SPTSSA: variants seen among roughly 807,000 people sequenced by gnomAD.
SPTSSA encodes the protein small subunit of serine palmitoyltransferase A.
A neutral mutation model predicts 9.1 loss-of-function variants in SPTSSA; 8 were observed. The ratio of observed to expected loss-of-function variants is 0.88; its 90% CI spans 0.51 to 1.58. The LOEUF is 1.58. Among genes scored for constraint, SPTSSA ranks in the 40% most tolerant of loss-of-function variants. The pLI is 0.00. For synonymous variants in SPTSSA, 42 were observed against 37.7 expected (o/e 1.11, Z -0.41); for missense variants, 100 against 93.8 (o/e 1.07, Z -0.27).
At chr14:34,456,026 A>G (rs1259336612) in intron 1 of SPTSSA, among the ~76,000 whole-genome samples, 3 of 152,006 alleles carry the variant, frequency 2.0e-5, no homozygotes, top group South Asian at 2.1e-4. Context: ...AAAATAACAT[A>G]CAGCTTAAAA....
intron 1 of SPTSSA, among the ~76,000 whole-genome samples, chr14:34,451,536 A>C (rs914807094): frequency 3.5e-4 from 54 of 152,122 alleles, no homozygotes; most frequent in Non-Finnish European, 5.7e-4. Flanking sequence ...GTCCTGGCTA[A>C]CACGGTGAAA....
At chr14:34,450,590 A>G (rs79524185) in intron 1 of SPTSSA, among the ~76,000 whole-genome samples, 1,655 of 148,184 alleles carry the variant, frequency 0.011, 32 homozygotes, top group African/African-American at 0.041. Context: ...GGGTTCCATG[A>G]CTCAAGCAAT....
intron 1 of SPTSSA, among the ~76,000 whole-genome samples, chr14:34,447,775 T>C (rs1883447240): frequency 6.6e-6 from 1 of 152,230 alleles, no homozygotes; most frequent in Non-Finnish European, 1.5e-5. Flanking sequence ...GACAAGGTTT[T>C]GTTTTTTCTT....
intron 1 of SPTSSA, among the ~76,000 whole-genome samples, chr14:34,458,671 T>C (rs979267954): frequency 5.5e-5 from 8 of 146,012 alleles, no homozygotes; most frequent in Non-Finnish European, 1.2e-4. Context: ...TAATTTTTTT[T>C]TTTTTTTTTT....
intron 1 of SPTSSA, among the ~76,000 whole-genome samples, chr14:34,451,886 G>C (rs912793383): frequency 3.3e-5 from 5 of 152,098 alleles, no homozygotes; most frequent in African/African-American, 4.8e-5. Flanking sequence ...CTAAGTGAAA[G>C]CAGCTGCAGG....
chr14:34,443,171 G>GTGTGGGTGTT (rs775781106), intron 1 of SPTSSA, among the ~76,000 whole-genome samples: 1 of 62,094 alleles, frequency 1.6e-5, no homozygotes, highest in African/African-American at 1.6e-4. Context: ...GTGTGTGTGT[G>GTGTGGGTGTT]TTTTGAGATT....
Position 34,438,218 on chromosome 14 carries a change from A to C in SPTSSA, c.113-2914T>G, listed in dbSNP as rs566507018. 2.6e-5 allele frequency among the ~76,000 whole-genome samples: 4 copies of C among 152,274 alleles called. No homozygotes were observed. The South Asian group carries it at 8.3e-4, about 32-fold the overall frequency. ...TTTGTCTTGGGCCCCATATTCCCTC[A>C]TAACTTAAACAACTACAGGTTGAGT... On this transcript the variant is annotated intron_variant, in intron 1 of 1. Coordinates refer to ENST00000298130, the MANE Select transcript of SPTSSA (RefSeq NM_138288.4).
chr14:34,438,892 C>T (rs1401428994), intron 1 of SPTSSA, among the ~76,000 whole-genome samples: 1 of 152,182 alleles, frequency 6.6e-6, no homozygotes, highest in East Asian at 1.9e-4. Flanking sequence ...CATTAGGTTT[C>T]CAATGTCTAT....
At chr14:34,452,428 A>T (rs60182593) in intron 1 of SPTSSA, among the ~76,000 whole-genome samples, 1 of 152,186 alleles carries the variant, frequency 6.6e-6, no homozygotes, top group Non-Finnish European at 1.5e-5. Flanking sequence ...AGGATAGCAC[A>T]TCACCATCAG....
chr14:34,452,759 T>A (rs1319100169), intron 1 of SPTSSA, among the ~76,000 whole-genome samples: 1 of 152,170 alleles, frequency 6.6e-6, no homozygotes, highest in Non-Finnish European at 1.5e-5. Flanking sequence ...GGGGAAAAAT[T>A]TCCCAGTCTG....
In SPTSSA at chr14:34,448,033, T is replaced by C. The variant is rs8008718; in HGVS notation, c.113-12729A>G. Among the ~76,000 whole-genome samples, 700 of 152,190 alleles carry C rather than the reference T, an allele frequency of 4.6e-3. 10 individuals carry two copies. Among genetic ancestry groups the C allele is most frequent in the African/African-American group, 0.014 (571 of 41,522 alleles). On this transcript the variant is annotated intron_variant, in intron 1 of 1. Coordinates refer to ENST00000298130, the MANE Select transcript of SPTSSA (RefSeq NM_138288.4). ...ACTTTGGGAAGCTGAGGTGGGCAGA[T>C]CACTTGAGGTCAGGAGTTCAAGACC...
intron 1 of SPTSSA, among the ~76,000 whole-genome samples, chr14:34,452,409 T>C (rs895930081): frequency 6.6e-6 from 1 of 152,170 alleles, no homozygotes; most frequent in Non-Finnish European, 1.5e-5. Context: ...TATTCAAGGG[T>C]CATGTTAAAG....
At chr14:34,445,187 T>C (rs1178322578) in intron 1 of SPTSSA, among the ~76,000 whole-genome samples, 2 of 151,938 alleles carry the variant, frequency 1.3e-5, no homozygotes, top group East Asian at 1.9e-4. Flanking sequence ...TAAAAGGTTA[T>C]AATAAAAAGG....
Position 34,454,159 on chromosome 14 carries a change from T to A in SPTSSA, c.112+7937A>T, listed in dbSNP as rs1319760631. Reference sequence around the variant, plus strand: ...TCATGCCAGCCACTGAACTCCAGCCTGGGCAACAGAGCAAGACCCTGTTTT... The same window carrying A: ...TCATGCCAGCCACTGAACTCCAGCCAGGGCAACAGAGCAAGACCCTGTTTT... On this transcript the variant is annotated intron_variant, in intron 1 of 1. Transcript: ENST00000298130. Among the ~76,000 whole-genome samples the A allele has an allele frequency of 2.0e-5, 3 of 152,114 alleles. No individual in the cohort carries two copies. In the East Asian group the frequency reaches 5.8e-4, roughly 29 times the overall value.
chr14:34,459,264 C>G (rs1392043635), intron 1 of SPTSSA, among the ~76,000 whole-genome samples: 1 of 150,026 alleles, frequency 6.7e-6, no homozygotes, highest in Non-Finnish European at 1.5e-5. Context: ...AAAACCACCC[C>G]ACCCCCACCC....
chr14:34,438,999 T>C (rs777631487), intron 1 of SPTSSA, among the ~76,000 whole-genome samples: 5 of 152,176 alleles, frequency 3.3e-5, no homozygotes, highest in African/African-American at 4.8e-5. Flanking sequence ...GACTGAAGGA[T>C]TGAGACAGGG....
At chr14:34,440,608 G>A (rs943594136) in intron 1 of SPTSSA, among the ~76,000 whole-genome samples, 7 of 152,136 alleles carry the variant, frequency 4.6e-5, no homozygotes, top group African/African-American at 7.2e-5. Context: ...TTGGCTGGGC[G>A]CGGTGGCTTA....
At chr14:34,459,519 G>T (rs1373898863) in intron 1 of SPTSSA, among the ~76,000 whole-genome samples, 3 of 151,172 alleles carry the variant, frequency 2.0e-5, no homozygotes, top group African/African-American at 7.3e-5. Context: ...GGTAGCTCAT[G>T]CCTGTAATCC....
At chr14:34,444,849 C>T (rs1468773502) in intron 1 of SPTSSA, among the ~76,000 whole-genome samples, 1 of 152,150 alleles carries the variant, frequency 6.6e-6, no homozygotes, top group South Asian at 2.1e-4. Context: ...AATCCCAACA[C>T]TTTGAGAGAA....
Sources: gnomAD v4.1 joint callset for allele counts (sites outside exome capture counted in the v4.1 genomes callset) on GRCh38, gnomAD v4.1.1 for gene constraint, MANE v1.5 for transcripts, NCBI Gene and HGNC (gene_info 2026-07-23, HGNC 2026-07-21) for gene names.